The following EAF2 variants were observed in gnomAD, a reference collection of about 807,000 sequenced individuals.
EAF2 encodes the protein ELL associated factor 2.
Under a neutral mutation model 29.4 loss-of-function variants are expected in EAF2, and 29 were observed. The ratio of observed to expected loss-of-function variants is 0.99; its 90% CI spans 0.73 to 1.35. The LOEUF is 1.35. Ranked by LOEUF, EAF2 falls within the 40% of genes most tolerant of loss-of-function variation. The pLI is 0.00. For missense variants in EAF2, 292 were observed against 312.0 expected (o/e 0.94, Z 0.48); for synonymous variants, 103 against 102.5 (o/e 1.00, Z -0.03).
At chr3:121,854,617 G>T in intron 2 of EAF2, 70 bp from the exon 3 acceptor site, 2 of 1,305,332 alleles carry the variant, frequency 1.5e-6, no homozygotes, top group Non-Finnish European at 2.0e-6. Flanking sequence ...CCAGAATCAA[G>T]ATTTCAAAGG....
chr3:121,880,679 G>A (rs756824841), intron 5 of EAF2, among the ~76,000 whole-genome samples: 13 of 152,080 alleles, frequency 8.5e-5, no homozygotes, highest in Admixed American at 2.6e-4. Flanking sequence ...AACAGGGACA[G>A]TTTGACTTCC....
intron 1 of EAF2, among the ~76,000 whole-genome samples, chr3:121,835,912 T>C (rs1184647009): frequency 1.3e-5 from 2 of 152,194 alleles, no homozygotes; most frequent in Non-Finnish European, 2.9e-5. Context: ...GGACCCCAGA[T>C]TTCACTCAGT....
chr3:121,839,408 G>A (rs1441668737), intron 1 of EAF2, among the ~76,000 whole-genome samples: 1 of 152,148 alleles, frequency 6.6e-6, no homozygotes, highest in Non-Finnish European at 1.5e-5. Context: ...TTTAGCTGTA[G>A]TTAAATGACA....
intron 1 of EAF2, among the ~76,000 whole-genome samples, chr3:121,838,189 C>A (rs1338826506): frequency 6.6e-6 from 1 of 152,112 alleles, no homozygotes. Flanking sequence ...TGGTTTTCTA[C>A]TCTTCATGCA....
At chr3:121,886,171 T>C (rs1261606241) in intron 5 of EAF2, among the ~76,000 whole-genome samples, 171 bp from the exon 6 acceptor site, 2 of 152,176 alleles carry the variant, frequency 1.3e-5, no homozygotes, top group Admixed American at 1.3e-4. Context: ...ATTTTTTCTT[T>C]ACACACAGTA....
chr3:121,876,658 G>C (rs955870619), intron 5 of EAF2, among the ~76,000 whole-genome samples: 13 of 152,070 alleles, frequency 8.5e-5, no homozygotes, highest in Non-Finnish European at 1.6e-4. Context: ...TAGGAGGATA[G>C]ATACACTGAA....
intron 1 of EAF2, chr3:121,836,198 G>A (rs186997731): frequency 6.6e-6 from 1 of 152,302 alleles, no homozygotes; most frequent in East Asian, 1.9e-4. Context: ...GAATTGTAGA[G>A]CGGGAAGGAA....
chr3:121,860,689 T>G (rs977623621), intron 4 of EAF2, among the ~76,000 whole-genome samples: 1 of 152,186 alleles, frequency 6.6e-6, no homozygotes, highest in Non-Finnish European at 1.5e-5. Context: ...CCTCTGATCT[T>G]AGTTATTTCT....
rs141470882 is a variant in EAF2 at position 121,850,659 on chromosome 3, T to C, written c.202-4028T>C. On this transcript the variant is annotated intron_variant, in intron 2 of 5. Transcript: ENST00000273668. ...TTCATGTCAAGAATACTTATTTAGC[T>C]CTTACATTATACATTCTCAGACAGT... Among the ~76,000 whole-genome samples, 263 of 152,286 alleles carry C rather than the reference T, an allele frequency of 1.7e-3. 2 individuals carry two copies. Among genetic ancestry groups the C allele is most frequent in the African/African-American group, 5.9e-3 (245 of 41,566 alleles).
In EAF2 at chr3:121,835,398, G is replaced by A. The variant is rs774307699; in HGVS notation, c.106+7G>A. 1 of 1,613,406 alleles carries A rather than the reference G, an allele frequency of 6.2e-7. No homozygotes were observed. The highest frequency in any genetic ancestry group is 8.5e-7 in the Non-Finnish European group (1 of 1,179,448). On this transcript the variant is annotated splice_region_variant and intron_variant, in intron 1 of 5. Transcript: ENST00000273668. ...GCCTTCCACACTGTGCGCTGTGAGT[G>A]AGGACCATCCGGGGATAGAGGGGGA...
intron 4 of EAF2, among the ~76,000 whole-genome samples, chr3:121,865,837 G>C (rs1708916091): frequency 6.6e-6 from 1 of 152,046 alleles, no homozygotes; most frequent in African/African-American, 2.4e-5. Context: ...TCCTCCATCA[G>C]AGACACTCTA....
intron 2 of EAF2, among the ~76,000 whole-genome samples, chr3:121,853,486 C>T (rs779124773): frequency 3.9e-5 from 6 of 152,054 alleles, no homozygotes; most frequent in South Asian, 2.1e-4. Context: ...TGGCTATTCA[C>T]GGGTGTGATT....
intron 4 of EAF2, among the ~76,000 whole-genome samples, chr3:121,862,343 C>T (rs566792096): frequency 4.6e-5 from 7 of 152,296 alleles, no homozygotes; most frequent in East Asian, 1.9e-4. Context: ...CACATTGTCC[C>T]GTATTCCTGG....
At chr3:121,853,183 T>C (rs1182833409) in intron 2 of EAF2, among the ~76,000 whole-genome samples, 2 of 152,212 alleles carry the variant, frequency 1.3e-5, no homozygotes, top group Non-Finnish European at 2.9e-5. Flanking sequence ...TATGTATCTC[T>C]AACTGATAAG....
At chr3:121,865,660 C>G (rs551860929) in intron 4 of EAF2, among the ~76,000 whole-genome samples, 88 of 150,026 alleles carry the variant, frequency 5.9e-4, no homozygotes, top group Non-Finnish European at 5.0e-4. Flanking sequence ...GACCCCATCT[C>G]TATAAAAAAA....
intron 5 of EAF2, among the ~76,000 whole-genome samples, chr3:121,874,896 G>A (rs780711296): frequency 7.9e-5 from 12 of 151,864 alleles, no homozygotes; most frequent in Non-Finnish European, 1.6e-4. Context: ...TTGGATCTGA[G>A]TTCAAAAGAA....
At chr3:121,845,182 G>T (rs1365272184) in intron 2 of EAF2, among the ~76,000 whole-genome samples, 2 of 152,130 alleles carry the variant, frequency 1.3e-5, no homozygotes, top group African/African-American at 4.8e-5. Context: ...GCTCACCCCT[G>T]TAATCCCAGC....
chr3:121,840,767 C>A (rs1192210153), intron 1 of EAF2, among the ~76,000 whole-genome samples: 1 of 134,064 alleles, frequency 7.5e-6, no homozygotes, highest in Non-Finnish European at 1.5e-5. Flanking sequence ...GATCTCGCCA[C>A]TGCACTCCAG....
intron 5 of EAF2, among the ~76,000 whole-genome samples, chr3:121,878,227 A>G (rs568830955): frequency 6.6e-6 from 1 of 152,218 alleles, no homozygotes; most frequent in Admixed American, 6.5e-5. Context: ...CAAATAGACA[A>G]TATTAAGGAA....
Sources: allele counts gnomAD v4.1 joint callset (sites outside exome capture counted in the v4.1 genomes callset), GRCh38; gene constraint gnomAD v4.1.1; transcripts MANE v1.5; gene names NCBI Gene and HGNC (gene_info 2026-07-23, HGNC 2026-07-21).